Variants in ZEB1 observed in about 807,000 individuals in gnomAD.
ZEB1 encodes zinc finger E-box-binding homeobox 1.
A neutral mutation model predicts 84.9 loss-of-function variants in ZEB1; 21 were observed. The observed-to-expected ratio is 0.25, with a 90% CI of 0.18 to 0.36. The LOEUF (loss-of-function observed/expected upper bound fraction) is 0.36. Among genes scored for constraint, ZEB1 ranks in the 10% least tolerant of loss-of-function variants. ZEB1 has a pLI of 1.00. For synonymous variants in ZEB1, 420 were observed against 471.1 expected (o/e 0.89, Z 1.41); for missense variants, 1,104 against 1,330.2 (o/e 0.83, Z 2.65).
chr10:31,360,800 T>C (rs2042901167), intron 1 of ZEB1, among the ~76,000 whole-genome samples: 1 of 152,152 alleles, frequency 6.6e-6, no homozygotes, highest in Non-Finnish European at 1.5e-5. Flanking sequence ...TACCTAGAAA[T>C]CATATATACA....
At chr10:31,485,642 T>A (rs932192528) in intron 2 of ZEB1, among the ~76,000 whole-genome samples, 1 of 151,930 alleles carries the variant, frequency 6.6e-6, no homozygotes, top group Admixed American at 6.6e-5. Context: ...TCTGGATTTC[T>A]ACTTACAGAA....
chr10:31,394,626 A>G (rs984225337), intron 1 of ZEB1, among the ~76,000 whole-genome samples: 1 of 152,178 alleles, frequency 6.6e-6, no homozygotes, highest in Non-Finnish European at 1.5e-5. Flanking sequence ...TACTTAATAT[A>G]AATAGGGGCA....
chr10:31,434,487 T>A (rs1016029527), intron 1 of ZEB1, among the ~76,000 whole-genome samples: 3 of 152,240 alleles, frequency 2.0e-5, no homozygotes, highest in Non-Finnish European at 2.9e-5. Flanking sequence ...AACATATATT[T>A]CACAGCAGGA....
intron 3 of ZEB1, among the ~76,000 whole-genome samples, chr10:31,497,940 GA>G (rs2067490901): frequency 7.0e-6 from 1 of 143,536 alleles, no homozygotes; most frequent in African/African-American, 2.8e-5. Context: ...TAGATAGATA[GA>G]TAGATAGATA....
chr10:31,437,664 C>G (rs1256814346), intron 1 of ZEB1, among the ~76,000 whole-genome samples: 1 of 152,176 alleles, frequency 6.6e-6, no homozygotes, highest in East Asian at 1.9e-4. Context: ...ATAAGCCTTA[C>G]TTAGATTACT....
intron 2 of ZEB1, among the ~76,000 whole-genome samples, chr10:31,492,390 G>A (rs2066657766): frequency 1.3e-5 from 2 of 151,868 alleles, no homozygotes; most frequent in African/African-American, 4.8e-5. Context: ...TACTGTAATT[G>A]TCCTGAGCAT....
intron 2 of ZEB1, among the ~76,000 whole-genome samples, chr10:31,467,383 C>A (rs1035047718): frequency 6.6e-6 from 1 of 152,206 alleles, no homozygotes; most frequent in Non-Finnish European, 1.5e-5. Context: ...TCTGCCACAC[C>A]AGGATAGAGT....
In ZEB1 at chr10:31,321,145, C is replaced by T. The variant is rs549993154; in HGVS notation, c.58+1853C>T. ...CGCGCCTGGGCTCCCTTTCTCCCTC[C>T]CCTCTGGGATGCGAAACGCGAGGTT... On this transcript the variant is annotated intron_variant, in intron 1 of 8. Coordinates refer to ENST00000424869, the MANE Select transcript of ZEB1 (RefSeq NM_001174096.2). 5.8e-5 allele frequency: 60 copies of T among 1,042,324 alleles called. No homozygotes were observed. The African/African-American group carries it at 6.3e-4, about 11-fold the overall frequency. 64.6% of individuals were successfully genotyped at this position (1,042,324 alleles called of 1,614,324 possible).
At chr10:31,474,163 G>A (rs527993841) in intron 2 of ZEB1, among the ~76,000 whole-genome samples, 185 of 152,250 alleles carry the variant, frequency 1.2e-3, no homozygotes, top group African/African-American at 4.2e-3. Flanking sequence ...AGGACTTCAT[G>A]TCTAAAACAC....
At chr10:31,359,059 A>G (rs2042569392) in intron 1 of ZEB1, among the ~76,000 whole-genome samples, 1 of 152,188 alleles carries the variant, frequency 6.6e-6, no homozygotes, top group Admixed American at 6.5e-5. Context: ...AAACAAATAA[A>G]TGACTGTGCT....
In ZEB1 at chr10:31,527,463, C is replaced by G. The variant is rs1018448557; in HGVS notation, c.*199C>G. The G allele has an allele frequency of 7.3e-6, 5 of 688,820 alleles. No individual in the cohort carries two copies. Among genetic ancestry groups the G allele is most frequent in the South Asian group, 2.1e-5 (1 of 46,876 alleles). 42.7% of individuals were successfully genotyped at this position (688,820 alleles called of 1,614,324 possible). ...CACACACACACACACAAAATAAATC[C>G]GGGTGTGCCTGAACCTCAGACCTAG... is the stretch of plus-strand genomic sequence containing the variant. On this transcript the variant is annotated 3_prime_UTR_variant, in exon 9 of 9. Transcript: ENST00000424869.
intron 2 of ZEB1, among the ~76,000 whole-genome samples, chr10:31,468,087 C>T (rs1047550797): frequency 3.9e-5 from 6 of 152,142 alleles, no homozygotes; most frequent in Non-Finnish European, 8.8e-5. Context: ...GGTGCCTGCA[C>T]CCCTCCCTAG....
intron 1 of ZEB1, among the ~76,000 whole-genome samples, chr10:31,415,246 C>A (rs1218433516): frequency 1.3e-5 from 2 of 152,106 alleles, no homozygotes; most frequent in African/African-American, 4.8e-5. Flanking sequence ...TGGTACAGTG[C>A]TAGTAAAATA....
intron 8 of ZEB1, among the ~76,000 whole-genome samples, chr10:31,525,644 T>C (rs1412445387): frequency 6.6e-6 from 1 of 152,216 alleles, no homozygotes; most frequent in Non-Finnish European, 1.5e-5. Flanking sequence ...ATATTTATCT[T>C]TCATATTCTT....
Position 31,526,833 on chromosome 10 carries a change from C to G in ZEB1, c.2947C>G (p.Arg983Gly). The G allele has an allele frequency of 6.2e-7, 1 of 1,614,128 alleles. No homozygotes were observed. Among genetic ancestry groups the G allele is most frequent in the Non-Finnish European group, 8.5e-7 (1 of 1,180,026 alleles). ...GTCTTATTCTCAACACATGAATCATCGCTACTCCTACTGTAAGAGAGAAGC... is the reference window on the plus strand; with the variant it reads ...GTCTTATTCTCAACACATGAATCATGGCTACTCCTACTGTAAGAGAGAAGC... The part of the protein sequence containing the change: ...SGSYSQHMNH[R>G]YSYCKREAEE... The change falls in exon 9 of 9, where the codon CGC (arginine) becomes GGC (glycine). Residue 983 changes from arginine (R) to glycine (G), a missense_variant. Physicochemically the swap from Arg to Gly is moderately radical, Grantham distance 125. Around this residue, in one of 7 missense-constraint regions of ZEB1, gnomAD observed 53 missense variants for 92.5 expected, o/e 0.57. Transcript: ENST00000424869.
intron 1 of ZEB1, 22 bp downstream of exon 1, chr10:31,319,314 G>T: frequency 6.2e-7 from 1 of 1,601,098 alleles, no homozygotes; most frequent in South Asian, 1.1e-5. Context: ...AGGGGACCGG[G>T]GAGCGGCGGA....
At chr10:31,431,128 G>A (rs2057658701) in intron 1 of ZEB1, among the ~76,000 whole-genome samples, 2 of 152,164 alleles carry the variant, frequency 1.3e-5, no homozygotes, top group Non-Finnish European at 2.9e-5. Flanking sequence ...TGGAGGGGTT[G>A]ATCCACAACC....
At chr10:31,319,331 G>A (rs372356289) in intron 1 of ZEB1, 39 bp downstream of exon 1, 7 of 1,592,636 alleles carry the variant, frequency 4.4e-6, no homozygotes, top group South Asian at 2.3e-5. Flanking sequence ...CGGAGTCAGG[G>A]GGAGCTGGGC....
chr10:31,432,181 G>T (rs1591196671), intron 1 of ZEB1, among the ~76,000 whole-genome samples: 1 of 152,214 alleles, frequency 6.6e-6, no homozygotes. Flanking sequence ...TTGGATGAAA[G>T]AAATGTTCTC....
Sources: gnomAD v4.1 joint callset for allele counts (sites outside exome capture counted in the v4.1 genomes callset) on GRCh38, gnomAD v4.1.1 for gene constraint, gnomAD v4.1.1 regional missense constraint, MANE v1.5 for transcripts, NCBI Gene and HGNC (gene_info 2026-07-23, HGNC 2026-07-21) for gene names.